The following PTPRD variants were observed in gnomAD, a reference collection of about 807,000 sequenced individuals.
The protein encoded by PTPRD is protein tyrosine phosphatase receptor type D.
In PTPRD, 34 loss-of-function variants were observed where a neutral mutation model predicts 214.5. That is an observed-to-expected ratio of 0.16 (90% confidence interval 0.12 to 0.21). The LOEUF is 0.21. Among genes scored for constraint, PTPRD ranks in the 10% least tolerant of loss-of-function variants. PTPRD has a pLI of 1.00. For missense variants in PTPRD, 2,545 were observed against 2,398.7 expected (o/e 1.06, Z -1.27); for synonymous variants, 1,128 against 845.7 (o/e 1.33, Z -5.79).
intron 2 of PTPRD, among the ~76,000 whole-genome samples, chr9:10,467,457 C>T (rs150677473): frequency 6.6e-6 from 1 of 152,128 alleles, no homozygotes. Context: ...GCACTGCACC[C>T]TCCCCATATT....
At chr9:8,512,858 T>C (rs1351439819) in intron 21 of PTPRD, among the ~76,000 whole-genome samples, 2 of 151,968 alleles carry the variant, frequency 1.3e-5, no homozygotes, top group Non-Finnish European at 2.9e-5. Context: ...TCAAGCAACA[T>C]TTAATGCATT....
At chr9:10,382,378 C>A (rs1180496699) in intron 2 of PTPRD, among the ~76,000 whole-genome samples, 3 of 151,838 alleles carry the variant, frequency 2.0e-5, no homozygotes, top group Non-Finnish European at 4.4e-5. Context: ...CTTTTCACTC[C>A]AGTGCCTCTG....
intron 3 of PTPRD, among the ~76,000 whole-genome samples, chr9:10,324,957 C>A (rs1404690548): frequency 6.6e-6 from 1 of 151,874 alleles, no homozygotes; most frequent in East Asian, 1.9e-4. Context: ...AATGTACTTT[C>A]CTATACTTTA....
chr9:10,140,289 T>C (rs2098974760), intron 3 of PTPRD, among the ~76,000 whole-genome samples: 1 of 151,184 alleles, frequency 6.6e-6, no homozygotes. Flanking sequence ...GACAGCCACT[T>C]CTCAAAAGAA....
At chr9:10,433,370 A>T (rs1404861977) in intron 2 of PTPRD, among the ~76,000 whole-genome samples, 1 of 151,998 alleles carries the variant, frequency 6.6e-6, no homozygotes, top group African/African-American at 2.4e-5. Context: ...CAGTTTTGCT[A>T]ATCGAGGTAT....
chr9:8,491,446 G>C (rs1346090967), intron 27 of PTPRD, among the ~76,000 whole-genome samples: 1 of 152,014 alleles, frequency 6.6e-6, no homozygotes, highest in Non-Finnish European at 1.5e-5. Context: ...ACAGGGGAGT[G>C]GTGCTTCATA....
At chr9:10,264,467 G>A (rs1238846611) in intron 3 of PTPRD, among the ~76,000 whole-genome samples, 1 of 152,170 alleles carries the variant, frequency 6.6e-6, no homozygotes, top group Non-Finnish European at 1.5e-5. Flanking sequence ...TCATTTTGGA[G>A]CTTTAAGATT....
chr9:10,096,799 C>T (rs1330740480), intron 3 of PTPRD, among the ~76,000 whole-genome samples: 1 of 151,974 alleles, frequency 6.6e-6, no homozygotes, highest in East Asian at 1.9e-4. Flanking sequence ...GTGTTTTAGA[C>T]ATGAAGTCCT....
intron 3 of PTPRD, among the ~76,000 whole-genome samples, chr9:10,216,490 C>T (rs932389458): frequency 4.6e-5 from 7 of 151,840 alleles, no homozygotes; most frequent in African/African-American, 1.7e-4. Context: ...CTTATATGCT[C>T]TAAATTTATA....
At chr9:10,185,321 T>C (rs556352397) in intron 3 of PTPRD, among the ~76,000 whole-genome samples, 9 of 152,300 alleles carry the variant, frequency 5.9e-5, no homozygotes, top group Middle Eastern at 3.4e-3. Context: ...TGTGAAGCAA[T>C]AATTTCGATG....
At chr9:10,446,855 A>G (rs2098803601) in intron 2 of PTPRD, among the ~76,000 whole-genome samples, 1 of 152,166 alleles carries the variant, frequency 6.6e-6, no homozygotes, top group South Asian at 2.1e-4. Flanking sequence ...TTCAGAAATC[A>G]TGGGCCTAAT....
chr9:10,079,203 C>A (rs924102647), intron 3 of PTPRD, among the ~76,000 whole-genome samples: 2 of 152,032 alleles, frequency 1.3e-5, no homozygotes, highest in African/African-American at 4.8e-5. Flanking sequence ...CTTCCGAACT[C>A]CATGTTTCCA....
intron 11 of PTPRD, among the ~76,000 whole-genome samples, chr9:8,973,472 G>A (rs532289605): frequency 7.2e-5 from 11 of 151,940 alleles, no homozygotes; most frequent in African/African-American, 2.7e-4. Context: ...CCGTTGATAG[G>A]TACCTAGGTT....
chr9:8,454,558 G>C lies in PTPRD; in HGVS notation c.3876-4721C>G, dbSNP rs779438584. 6 of 1,612,682 alleles carry C rather than the reference G, an allele frequency of 3.7e-6. No individual in the cohort carries two copies. The East Asian group carries it at 1.3e-4, about 36-fold the overall frequency. On this transcript the variant is annotated intron_variant, in intron 33 of 45. Transcript: ENST00000381196. Reference sequence around the variant, plus strand: ...ATTTTTTTCTTACTGAACATTAAAGGGGTTTGTTCTCTATTCCTCACCTGT... The same window carrying C: ...ATTTTTTTCTTACTGAACATTAAAGCGGTTTGTTCTCTATTCCTCACCTGT...
intron 3 of PTPRD, among the ~76,000 whole-genome samples, chr9:10,286,648 A>G (rs1416493025): frequency 2.6e-5 from 4 of 152,136 alleles, no homozygotes; most frequent in South Asian, 2.1e-4. Context: ...CCCGGGCTGG[A>G]GTGCAGTGGC....
intron 10 of PTPRD, among the ~76,000 whole-genome samples, chr9:9,029,241 G>T (rs1590088390): frequency 6.6e-6 from 1 of 151,902 alleles, no homozygotes; most frequent in East Asian, 1.9e-4. Context: ...TTTGCGACTT[G>T]CATTATATTT....
intron 8 of PTPRD, among the ~76,000 whole-genome samples, chr9:9,492,576 G>A (rs2095965135): frequency 6.6e-6 from 1 of 151,984 alleles, no homozygotes; most frequent in African/African-American, 2.4e-5. Flanking sequence ...AATTGATGTA[G>A]AAAAAGCAAC....
intron 3 of PTPRD, among the ~76,000 whole-genome samples, chr9:10,095,858 T>C (rs536960697): frequency 2.0e-4 from 30 of 151,668 alleles, no homozygotes; most frequent in African/African-American, 5.8e-4. Flanking sequence ...ACCTCTGACA[T>C]TGAATATATT....
intron 8 of PTPRD, among the ~76,000 whole-genome samples, chr9:9,564,884 GTTTTTTTTTTTTTTTT>G (rs1191664969): frequency 1.2e-4 from 6 of 48,842 alleles, no homozygotes; most frequent in Non-Finnish European, 2.3e-4. Flanking sequence ...TGAATCTTCT[GTTTTTTTTTTTTTTTT>G]TTTTTTTTTT....
Sources: allele counts gnomAD v4.1 joint callset (sites outside exome capture counted in the v4.1 genomes callset), GRCh38; gene constraint gnomAD v4.1.1; transcripts MANE v1.5; gene names NCBI Gene and HGNC (gene_info 2026-07-23, HGNC 2026-07-21).